The following ALG6 variants were observed in gnomAD, a reference collection of about 807,000 sequenced individuals.
ALG6 encodes ALG6 alpha-1,3-glucosyltransferase, also known as dolichyl pyrophosphate Man9GlcNAc2 alpha-1,3-glucosyltransferase.
In ALG6, 46 loss-of-function variants were observed where a neutral mutation model predicts 66.6. That is an observed-to-expected ratio of 0.69 (90% CI 0.55 to 0.88). The LOEUF (loss-of-function observed/expected upper bound fraction) is 0.88, where lower values mean the gene tolerates loss of function less well. Among genes scored for constraint, ALG6 ranks in the 40% least tolerant of loss-of-function variants. ALG6 has a pLI of 0.00. For missense variants in ALG6, 505 were observed against 586.8 expected (o/e 0.86, Z 1.44); for synonymous variants, 185 against 203.7 (o/e 0.91, Z 0.78).
chr1:63,394,418 C>T (rs776228797), intron 2 of ALG6, among the ~76,000 whole-genome samples: 66 of 152,022 alleles, frequency 4.3e-4, no homozygotes, highest in Non-Finnish European at 8.7e-4. Context: ...CTCACTCTGT[C>T]GCCCAGGCTG....
chr1:63,424,926 C>T (rs1644607276), intron 12 of ALG6, among the ~76,000 whole-genome samples: 1 of 151,766 alleles, frequency 6.6e-6, no homozygotes, highest in Admixed American at 6.6e-5. Flanking sequence ...CTATAGTTGC[C>T]CGCCACAACA....
In ALG6 at chr1:63,373,943, T is replaced by C. The variant is rs1388558077; in HGVS notation, c.82+2884T>C. 1.3e-5 allele frequency among the ~76,000 whole-genome samples: 2 copies of C among 152,184 alleles called. 1 individual carries two copies. Among genetic ancestry groups the C allele is most frequent in the Non-Finnish European group, 2.9e-5 (2 of 68,036 alleles). ...AATTTTTTCAAATACTCTGGCTTAA[T>C]ATAGTTTCTCTTTATTCAGCATGAA... On this transcript the variant is annotated intron_variant, in intron 2 of 14. Transcript: ENST00000263440.
chr1:63,406,277 T>C, intron 5 of ALG6, 40 bp from the exon 6 acceptor site: 1 of 1,562,634 alleles, frequency 6.4e-7, no homozygotes, highest in East Asian at 2.2e-5. Context: ...CTGTAAATCC[T>C]GATGGACTCA....
chr1:63,436,844 A>C lies in ALG6; in HGVS notation c.1348A>C (p.Met450Leu), dbSNP rs769923186. The C allele has an allele frequency of 6.2e-7, 1 of 1,613,788 alleles. No individual in the cohort carries two copies. Among genetic ancestry groups the C allele is most frequent in the Admixed American group, 1.7e-5 (1 of 60,014 alleles). Residue 450 changes from methionine to leucine, a missense_variant, in exon 15 of 15, where the codon ATG becomes CTG. Met to Leu is a conservative substitution (Grantham distance 15). Coordinates refer to ENST00000263440, the MANE Select transcript of ALG6 (RefSeq NM_013339.4). ...QYLFLISVIT[M>L]VLLTLMTVTL... The stretch of plus-strand genomic sequence containing the variant: ...GCAGTTTCTTATCTCAGTCATCACT[A>C]TGGTGCTTCTGACGTTGATGACTGT...
chr1:63,404,369 T>C, intron 4 of ALG6, 84 bp from the exon 5 acceptor site: 1 of 1,117,736 alleles, frequency 8.9e-7, no homozygotes, highest in Non-Finnish European at 1.4e-6. Context: ...TCTCAAAATA[T>C]TAATACATTC....
chr1:63,398,268 T>C (rs942948884), intron 3 of ALG6, among the ~76,000 whole-genome samples: 3 of 152,186 alleles, frequency 2.0e-5, no homozygotes, highest in African/African-American at 7.2e-5. Flanking sequence ...ACTTTAAATG[T>C]CTCTTAGTAG....
intron 3 of ALG6, among the ~76,000 whole-genome samples, chr1:63,400,055 G>A (rs911227009): frequency 5.3e-5 from 8 of 149,680 alleles, no homozygotes; most frequent in East Asian, 2.0e-4. Flanking sequence ...TTAGCTGGGC[G>A]TGGTGGTGCA....
intron 4 of ALG6, among the ~76,000 whole-genome samples, chr1:63,402,547 A>G (rs1177573957): frequency 2.7e-5 from 4 of 146,356 alleles, no homozygotes; most frequent in Non-Finnish European, 6.0e-5. Context: ...GCTTACTGCA[A>G]CCTCCACCTT....
rs201854537 is a variant in ALG6, at chr1:63,404,477, G to T, written c.282G>T (p.Trp94Cys). 2.0e-5 allele frequency: 32 copies of T among 1,613,488 alleles called. No homozygotes were observed. The Middle Eastern group carries it at 4.9e-4, about 25-fold the overall frequency. Residue 94 changes from tryptophan to cysteine, a missense_variant, in exon 5 of 15, where the codon TGG (tryptophan) becomes TGT (cysteine). Physicochemically the swap from Trp to Cys is radical, Grantham distance 215 (BLOSUM62 -2). Transcript: ENST00000263440. ...GGGCAAAGTTTATAAATCCAGACTG[G>T]ATTGCTCTCCATACATCACGTGGAT... ...AYVAKFINPD[W>C]IALHTSRGYE...
intron 12 of ALG6, among the ~76,000 whole-genome samples, chr1:63,423,127 G>A (rs1273003295): frequency 6.6e-6 from 1 of 150,754 alleles, no homozygotes; most frequent in Non-Finnish European, 1.5e-5. Flanking sequence ...GGGTTCAAGC[G>A]ATTCTCCCAC....
chr1:63,387,151 A>T (rs1648526481), intron 2 of ALG6, among the ~76,000 whole-genome samples: 1 of 152,218 alleles, frequency 6.6e-6, no homozygotes, highest in Non-Finnish European at 1.5e-5. Flanking sequence ...TAGAAAGGAT[A>T]CCTGATATGA....
intron 14 of ALG6, among the ~76,000 whole-genome samples, chr1:63,434,089 G>T (rs191341146): frequency 3.0e-3 from 450 of 152,226 alleles, no homozygotes; most frequent in Non-Finnish European, 4.6e-3. Flanking sequence ...GATTAGAGAG[G>T]TAACAGTGTA....
chr1:63,390,032 A>G (rs928983033), intron 2 of ALG6, among the ~76,000 whole-genome samples: 1 of 152,212 alleles, frequency 6.6e-6, no homozygotes, highest in African/African-American at 2.4e-5. Flanking sequence ...ATCAGACCTG[A>G]AGCTAGCACA....
At chr1:63,422,088 TATATAAATATATAA>T (rs1217440372) in intron 12 of ALG6, among the ~76,000 whole-genome samples, 1,882 of 118,944 alleles carry the variant, frequency 0.016, 53 homozygotes, top group African/African-American at 0.058. Context: ...TATAAATAAA[TATATAAATATATAA>T]ATATAAATAT....
chr1:63,371,079 TAAA>T lies in ALG6; in HGVS notation c.82+28_82+30del. 7.0e-7 allele frequency: 1 copy of T among 1,423,668 alleles called. No homozygotes were observed. Among genetic ancestry groups the T allele is most frequent in the African/African-American group, 1.4e-5 (1 of 69,502 alleles). The allele number at this position is 1,423,668 out of a possible 1,614,324, so 88.2% of individuals were successfully genotyped here. A position where few individuals can be genotyped will look rare whatever the true frequency, so the allele number is the denominator to read the frequency against. ...ATTCAGGTAATACATTTTTACTGGT[TAAA>T]AAAAAAACGAAATTTTCCTTTGAAT... On this transcript the variant is annotated intron_variant, in intron 2 of 14. Transcript: ENST00000263440.
chr1:63,379,226 T>G (rs553899015), intron 2 of ALG6, among the ~76,000 whole-genome samples: 1 of 152,206 alleles, frequency 6.6e-6, no homozygotes. Context: ...TGTGCATTTT[T>G]CCACATAGGG....
chr1:63,378,315 G>A (rs1648196881), intron 2 of ALG6, among the ~76,000 whole-genome samples: 1 of 152,088 alleles, frequency 6.6e-6, no homozygotes, highest in Non-Finnish European at 1.5e-5. Flanking sequence ...TTGATGTTTG[G>A]ACATCAGCTG....
chr1:63,404,574 T>C, intron 5 of ALG6, 33 bp downstream of exon 5: 2 of 1,600,886 alleles, frequency 1.2e-6, no homozygotes, highest in Non-Finnish European at 1.7e-6. Flanking sequence ...ATATAAAATT[T>C]GATTTTTTAA....
At chr1:63,395,075 A>G (rs1481214357) in intron 2 of ALG6, among the ~76,000 whole-genome samples, 1 of 151,032 alleles carries the variant, frequency 6.6e-6, no homozygotes, top group Admixed American at 6.6e-5. Context: ...CATGTTGGTC[A>G]GGCTGGTCTT....
Sources: allele counts gnomAD v4.1 joint callset (sites outside exome capture counted in the v4.1 genomes callset), GRCh38; gene constraint gnomAD v4.1.1; transcripts MANE v1.5; gene names NCBI Gene and HGNC (gene_info 2026-07-23, HGNC 2026-07-21).